Variants in NEMF observed in about 807,000 individuals in gnomAD.
NEMF encodes the protein nuclear export mediator factor.
Under a neutral mutation model 162.2 loss-of-function variants are expected in NEMF, and 89 were observed. The ratio of observed to expected loss-of-function variants is 0.55; its 90% CI spans 0.46 to 0.65. The LOEUF (loss-of-function observed/expected upper bound fraction) is 0.65. NEMF is among the 30% of genes least tolerant of loss of function. NEMF has a pLI of 0.00. For synonymous variants in NEMF, 421 were observed against 404.5 expected, an observed-to-expected ratio of 1.04 and a Z score of -0.49; for missense variants, 1,133 against 1,261.9, an observed-to-expected ratio of 0.90 and a Z score of 1.55.
Position 49,791,204 on chromosome 14 carries a change from G to A in NEMF, c.2620-1631C>T, listed in dbSNP as rs141014959. 1.8e-3 allele frequency among the ~76,000 whole-genome samples: 276 copies of A among 151,898 alleles called. 1 individual carries two copies. The highest frequency in any genetic ancestry group is 2.2e-3 in the Admixed American group (34 of 15,250). On this transcript the variant is annotated intron_variant, in intron 26 of 32. Transcript: ENST00000298310. ...ACAAAAATTAGCTGGGTGTGGTGGC[G>A]TGTGCCTGTAGTGCCAGCTACTCAG...
Position 49,823,644 on chromosome 14 carries a change from A to G in NEMF, c.1577+2223T>C, listed in dbSNP as rs144731179. Among the ~76,000 whole-genome samples the G allele has an allele frequency of 2.7e-4, 41 of 152,276 alleles. No homozygotes were observed. In the East Asian group the frequency reaches 5.8e-3, roughly 21 times the overall value. On this transcript the variant is annotated intron_variant, in intron 16 of 32. Coordinates refer to ENST00000298310, the MANE Select transcript of NEMF (RefSeq NM_004713.6). ...CATATCTTAAAAACAAGATTTCCAG[A>G]AGGAAAAGAAAAAAGAAAGCAGAGG...
Position 49,825,890 on chromosome 14 carries a change from A to C in NEMF, c.1554T>G (p.Ile518Met), listed in dbSNP as rs755924519. The C allele has an allele frequency of 8.7e-5, 140 of 1,607,120 alleles. No homozygotes were observed. Among genetic ancestry groups the C allele is most frequent in the Non-Finnish European group, 1.1e-4 (128 of 1,174,936 alleles). The change falls in exon 16 of 33, where the codon ATT becomes ATG. Residue 518 changes from isoleucine to methionine, a missense_variant. Ile to Met is a conservative substitution (Grantham distance 10, BLOSUM62 1). Around this residue, in one of 3 missense-constraint regions of NEMF, gnomAD observed 582 missense variants for 631.5 expected, o/e 0.92. Transcript: ENST00000298310. The stretch of plus-strand genomic sequence containing the variant: ...ACCAATATACTTTTCTTGCTTTTTG[A>C]ATAGAGGTAACAGTCTGAACTTCTT... ...TLKEVQTVTS[I>M]QKARKVYWFE...
At chr14:49,792,800 G>C (rs7151944) in intron 26 of NEMF, among the ~76,000 whole-genome samples, 2,928 of 152,100 alleles carry the variant, frequency 0.019, 100 homozygotes, top group African/African-American at 0.067. Flanking sequence ...CAAATAGGAA[G>C]AGCCTGTCTC....
chr14:49,844,258 C>A (rs889617440), intron 4 of NEMF, among the ~76,000 whole-genome samples: 3 of 152,214 alleles, frequency 2.0e-5, no homozygotes, highest in African/African-American at 7.2e-5. Flanking sequence ...GCATTAGATT[C>A]TCGCAAGAAG....
intron 3 of NEMF, among the ~76,000 whole-genome samples, chr14:49,848,028 T>A: frequency 7.4e-6 from 1 of 135,816 alleles, no homozygotes; most frequent in African/African-American, 2.8e-5. Context: ...CAAGACTCTG[T>A]CTCAAAAAAA....
intron 4 of NEMF, among the ~76,000 whole-genome samples, chr14:49,843,116 G>C (rs1304383383): frequency 6.6e-6 from 1 of 152,112 alleles, no homozygotes; most frequent in East Asian, 1.9e-4. Context: ...ATTAGATAAA[G>C]AGCTCTAAGA....
At chr14:49,849,965 TG>T (rs1018168073) in intron 3 of NEMF, among the ~76,000 whole-genome samples, 7 of 152,150 alleles carry the variant, frequency 4.6e-5, no homozygotes, top group Non-Finnish European at 8.8e-5. Context: ...TCTAAATTGC[TG>T]GGGGGTAAAG....
chr14:49,851,000 T>C (rs1893746798), intron 3 of NEMF, among the ~76,000 whole-genome samples: 1 of 152,112 alleles, frequency 6.6e-6, no homozygotes, highest in Non-Finnish European at 1.5e-5. Context: ...GGTCACGCAT[T>C]TGAGATCAGA....
chr14:49,789,331 T>C lies in NEMF; in HGVS notation c.2710A>G (p.Asn904Asp). Reference protein sequence around the residue: ...IMKLLGSAGSNKEEKGKKGKK... With the variant: ...IMKLLGSAGSDKEEKGKKGKK... ...CCCTTCTTCCCTTTTTCTTCTTTGTTTGAACCTGCAGACTTTAATTCATAG... is the reference window on the plus strand; with the variant it reads ...CCCTTCTTCCCTTTTTCTTCTTTGTCTGAACCTGCAGACTTTAATTCATAG... Residue 904 changes from asparagine to aspartate, a missense_variant, in exon 28 of 33, where the codon AAC (asparagine) becomes GAC (aspartate). This residue lies in a region of NEMF where 532 missense variants were observed against 578.6 expected (regional missense o/e 0.92). Transcript: ENST00000298310. 6.2e-7 allele frequency: 1 copy of C among 1,614,194 alleles called. No homozygotes were observed. Among genetic ancestry groups the C allele is most frequent in the Middle Eastern group, 1.6e-4 (1 of 6,062 alleles).
At chr14:49,842,350 A>C (rs1893256463) in intron 4 of NEMF, among the ~76,000 whole-genome samples, 1 of 152,242 alleles carries the variant, frequency 6.6e-6, no homozygotes, top group African/African-American at 2.4e-5. Context: ...GCTAAAATGA[A>C]ATTACTTCTT....
At chr14:49,800,839 G>GTAC in intron 22 of NEMF, 143 bp from the exon 23 acceptor site, 1 of 711,192 alleles carries the variant, frequency 1.4e-6, no homozygotes, top group Non-Finnish European at 2.3e-6. Context: ...TTCCCAAAGG[G>GTAC]TACTCTTAGA....
chr14:49,828,607 ATGAC>A lies in NEMF; in HGVS notation c.1424+5_1424+8del. 6.5e-7 allele frequency: 1 copy of A among 1,533,602 alleles called. No homozygotes were observed. The highest frequency in any genetic ancestry group is 8.7e-7 in the Non-Finnish European group (1 of 1,147,518). 95.0% of individuals were successfully genotyped at this position (1,533,602 alleles called of 1,614,324 possible). A position where few individuals can be genotyped will look rare whatever the true frequency, so the allele number is the denominator to read the frequency against. Reference sequence around the variant, plus strand: ...CACTTGGCCTAAAATGTAAAGTTAAATGACTTACTTTTTGGCATTGGCATATGCT... The same window carrying A: ...CACTTGGCCTAAAATGTAAAGTTAAATTACTTTTTGGCATTGGCATATGCT... On this transcript the variant is annotated splice_donor_5th_base_variant and intron_variant, in intron 14 of 32. Coordinates refer to ENST00000298310, the MANE Select transcript of NEMF (RefSeq NM_004713.6).
chr14:49,790,764 T>C (rs934664131), intron 26 of NEMF, among the ~76,000 whole-genome samples: 1 of 151,970 alleles, frequency 6.6e-6, no homozygotes, highest in Admixed American at 6.6e-5. Context: ...TCTGGGTAGG[T>C]GGATCACCTG....
At chr14:49,833,137 G>A (rs956395448) in intron 8 of NEMF, among the ~76,000 whole-genome samples, 7 of 152,006 alleles carry the variant, frequency 4.6e-5, no homozygotes, top group African/African-American at 4.8e-5. Flanking sequence ...ATGGTGGCAC[G>A]TGCCTGTAGT....
chr14:49,808,891 G>A (rs3100912), intron 18 of NEMF, among the ~76,000 whole-genome samples: 147,521 of 152,242 alleles, frequency 0.97, 71,664 homozygotes, highest in East Asian at 1. Context: ...ATACTGCATC[G>A]AAGATATACA....
intron 18 of NEMF, among the ~76,000 whole-genome samples, chr14:49,808,395 G>A (rs896686480): frequency 6.6e-6 from 1 of 151,644 alleles, no homozygotes; most frequent in Non-Finnish European, 1.5e-5. Context: ...GGCTGGTCTC[G>A]AACTCTTGAC....
intron 18 of NEMF, 54 bp from the exon 19 acceptor site, chr14:49,806,187 C>G: frequency 8.4e-7 from 1 of 1,189,962 alleles, no homozygotes; most frequent in Non-Finnish European, 1.2e-6. Context: ...TTCTCCAGAG[C>G]AAGATATGAA....
rs8022762 is a variant in NEMF, at chr14:49,823,786, T to C, written c.1577+2081A>G. 1.9e-3 allele frequency among the ~76,000 whole-genome samples: 287 copies of C among 152,278 alleles called. 2 individuals are homozygous for C. Among genetic ancestry groups the C allele is most frequent in the African/African-American group, 6.7e-3 (278 of 41,570 alleles). On this transcript the variant is annotated intron_variant, in intron 16 of 32. Transcript: ENST00000298310. Reference sequence around the variant, plus strand: ...ATTAAAACATCACCACCAACCCCAATTGTAAAATTTTGAAAAATTTGGAGA... The same window carrying C: ...ATTAAAACATCACCACCAACCCCAACTGTAAAATTTTGAAAAATTTGGAGA...
intron 5 of NEMF, chr14:49,839,629 CATCT>C (rs1178430173): frequency 1.3e-5 from 2 of 152,192 alleles, no homozygotes; most frequent in South Asian, 2.1e-4. Context: ...ACAAGATATC[CATCT>C]GTCTTCTCAC....
Sources: gnomAD v4.1 joint callset for allele counts (sites outside exome capture counted in the v4.1 genomes callset) on GRCh38, gnomAD v4.1.1 for gene constraint, gnomAD v4.1.1 regional missense constraint, MANE v1.5 for transcripts, NCBI Gene and HGNC (gene_info 2026-07-23, HGNC 2026-07-21) for gene names.